The following PATJ variants were observed in gnomAD, a reference collection of about 807,000 sequenced individuals.
PATJ encodes the protein inaD-like protein.
A neutral mutation model predicts 224.9 loss-of-function variants in PATJ; 190 were observed. That is an observed-to-expected ratio of 0.84 (90% CI 0.75 to 0.95). The LOEUF (loss-of-function observed/expected upper bound fraction) is 0.95. PATJ is among the 40% of genes least tolerant of loss of function. The pLI is 0.00. For synonymous variants in PATJ, 769 were observed against 820.3 expected, an observed-to-expected ratio of 0.94 and a Z score of 1.07; for missense variants, 2,121 against 2,270.3, an observed-to-expected ratio of 0.93 and a Z score of 1.34.
At chr1:61,958,775 A>G (rs906526940) in intron 27 of PATJ, among the ~76,000 whole-genome samples, 5 of 152,186 alleles carry the variant, frequency 3.3e-5, no homozygotes, top group Non-Finnish European at 5.9e-5. Flanking sequence ...GTGTGTGACC[A>G]AGTTGTCAAG....
At chr1:61,950,749 T>C (rs1405002390) in intron 27 of PATJ, among the ~76,000 whole-genome samples, 1 of 152,212 alleles carries the variant, frequency 6.6e-6, no homozygotes, top group Non-Finnish European at 1.5e-5. Context: ...CAATGCAAAA[T>C]AGGATGGAAA....
chr1:61,759,140 G>C (rs974060778), intron 1 of PATJ, among the ~76,000 whole-genome samples: 1 of 152,190 alleles, frequency 6.6e-6, no homozygotes, highest in African/African-American at 2.4e-5. Flanking sequence ...TCCAACCCAG[G>C]ACGGCTTTGA....
chr1:61,884,389 A>G lies in PATJ; in HGVS notation c.3112A>G (p.Arg1038Gly). 6.2e-7 allele frequency: 1 copy of G among 1,602,774 alleles called. No individual in the cohort carries two copies. Among genetic ancestry groups the G allele is most frequent in the African/African-American group, 1.3e-5 (1 of 74,284 alleles). Reference protein sequence around the residue: ...ASAYTGMLSSRYATDTCELPE... With the variant: ...ASAYTGMLSSGYATDTCELPE... Reference sequence around the variant, plus strand: ...AGCATACACAGGAATGTTGTCTTCTAGATATGCCACTGATACATGGTATGA... The same window carrying G: ...AGCATACACAGGAATGTTGTCTTCTGGATATGCCACTGATACATGGTATGA... Residue 1038 changes from arginine to glycine, a missense_variant, in exon 22 of 44, where the codon AGA (arginine) becomes GGA (glycine). Physicochemically the swap from Arg to Gly is moderately radical, Grantham distance 125. Coordinates refer to ENST00000642238, the MANE Select transcript of PATJ (RefSeq NM_001350145.3).
At chr1:61,992,356 A>G (rs186248222) in intron 28 of PATJ, among the ~76,000 whole-genome samples, 1 of 152,094 alleles carries the variant, frequency 6.6e-6, no homozygotes, top group Non-Finnish European at 1.5e-5. Context: ...GACCTCGGGT[A>G]ATCCACCCGC....
At chr1:61,988,502 A>C (rs1371689607) in intron 27 of PATJ, among the ~76,000 whole-genome samples, 10 of 152,136 alleles carry the variant, frequency 6.6e-5, no homozygotes, top group Admixed American at 6.5e-4. Context: ...TATTCACTTC[A>C]ATGTTAATAT....
intron 1 of PATJ, among the ~76,000 whole-genome samples, chr1:61,761,979 C>A (rs529859534): frequency 1.3e-5 from 2 of 152,138 alleles, no homozygotes; most frequent in African/African-American, 4.8e-5. Context: ...TGAGTCAATG[C>A]GCCCGGCCAC....
At position 61,824,361 on chromosome 1, in the gene PATJ, G is replaced by A. The variant is rs144940943; in HGVS notation, c.1818+1282G>A. Among the ~76,000 whole-genome samples, 365 of 150,308 alleles carry A rather than the reference G, an allele frequency of 2.4e-3. 1 individual carries two copies. The highest frequency in any genetic ancestry group is 8.4e-3 in the African/African-American group (344 of 40,812). On this transcript the variant is annotated intron_variant, in intron 15 of 43. Coordinates refer to ENST00000642238, the MANE Select transcript of PATJ (RefSeq NM_001350145.3). The stretch of plus-strand genomic sequence containing the variant: ...ATTACATGTGTGAGCCACTGCACCC[G>A]GTCCACTTTTTTTTTTTTTGGTGGC...
chr1:61,865,025 G>A (rs1381489489), intron 20 of PATJ, among the ~76,000 whole-genome samples: 2 of 151,796 alleles, frequency 1.3e-5, no homozygotes, highest in African/African-American at 2.4e-5. Flanking sequence ...GGCCAAGTTA[G>A]TACATACATA....
intron 20 of PATJ, among the ~76,000 whole-genome samples, chr1:61,875,029 C>T (rs1011809814): frequency 6.6e-6 from 1 of 152,106 alleles, no homozygotes; most frequent in African/African-American, 2.4e-5. Context: ...GGTTAAAAAT[C>T]CAAGTTTTAG....
At chr1:61,871,392 T>TATATATACATATATATGTAC (rs1557791927) in intron 20 of PATJ, among the ~76,000 whole-genome samples, 4 of 88,028 alleles carry the variant, frequency 4.5e-5, no homozygotes, top group Non-Finnish European at 6.7e-5. Context: ...TTTGTGTATA[T>TATATATACATATATATGTAC]ATATATATGT....
chr1:61,875,181 C>A, intron 20 of PATJ, 62 bp from the exon 21 acceptor site: 1 of 1,095,310 alleles, frequency 9.1e-7, no homozygotes, highest in Non-Finnish European at 1.3e-6. Flanking sequence ...GCTTGATCAA[C>A]TGTACAGTAA....
intron 41 of PATJ, among the ~76,000 whole-genome samples, chr1:62,147,377 C>T (rs529996177): frequency 5.9e-5 from 9 of 152,198 alleles, no homozygotes; most frequent in South Asian, 2.1e-4. Context: ...AGTTGAAGGC[C>T]GGGCACAGGA....
chr1:61,846,579 T>C (rs751418271), intron 17 of PATJ, among the ~76,000 whole-genome samples: 1 of 152,170 alleles, frequency 6.6e-6, no homozygotes. Context: ...GTTAAGTATA[T>C]TCACATTTCA....
chr1:61,941,787 A>G (rs1677862163), intron 27 of PATJ, among the ~76,000 whole-genome samples: 1 of 152,234 alleles, frequency 6.6e-6, no homozygotes, highest in Non-Finnish European at 1.5e-5. Context: ...TAATTATTTT[A>G]ATATTTTACT....
At chr1:62,008,870 A>G (rs151136674) in intron 28 of PATJ, among the ~76,000 whole-genome samples, 1 of 152,302 alleles carries the variant, frequency 6.6e-6, no homozygotes, top group East Asian at 1.9e-4. Context: ...ATTTTAAGAT[A>G]ATAAATAGAT....
chr1:61,899,975 T>G (rs1327638472), intron 23 of PATJ, among the ~76,000 whole-genome samples: 1 of 152,234 alleles, frequency 6.6e-6, no homozygotes, highest in Non-Finnish European at 1.5e-5. Flanking sequence ...AGCTTTCTTT[T>G]CTGGTAAACA....
rs1228854925 is a variant in PATJ at position 62,086,676 on chromosome 1, C to T, written c.4377+2028C>T. ...TGTAATAAATATTAGTTCCCTAAAG[C>T]ACTAGGAAACTCAAGAACAGCATAG... On this transcript the variant is annotated intron_variant, in intron 33 of 43. Transcript: ENST00000642238. This position sits in a 1 kb window ranked among gnomAD's most constrained non-coding sequence, Gnocchi z 4.0. Among the ~76,000 whole-genome samples, 1 of 152,114 alleles carries T rather than the reference C, an allele frequency of 6.6e-6. No homozygotes were observed. Among genetic ancestry groups the T allele is most frequent in the Non-Finnish European group, 1.5e-5 (1 of 68,028 alleles).
chr1:61,832,604 A>G (rs1162494332), intron 16 of PATJ, among the ~76,000 whole-genome samples: 1 of 152,174 alleles, frequency 6.6e-6, no homozygotes, highest in Non-Finnish European at 1.5e-5. Context: ...TTTTTAATGT[A>G]TTGAACAACT....
At chr1:61,901,601 C>A in intron 24 of PATJ, 142 bp downstream of exon 24, 1 of 571,620 alleles carries the variant, frequency 1.7e-6, no homozygotes, top group Non-Finnish European at 3.0e-6. Context: ...TTAGTTTGTA[C>A]ATTGTATGCA....
Sources: gnomAD v4.1 joint callset for allele counts (sites outside exome capture counted in the v4.1 genomes callset) on GRCh38, gnomAD v4.1.1 for gene constraint, Gnocchi (gnomAD v3.1) non-coding constraint, MANE v1.5 for transcripts, NCBI Gene and HGNC (gene_info 2026-07-23, HGNC 2026-07-21) for gene names.